Variants in PHLDB3 observed in about 807,000 individuals in gnomAD.
PHLDB3 encodes pleckstrin homology-like domain family B member 3.
A neutral mutation model predicts 85.7 loss-of-function variants in PHLDB3; 86 were observed. The observed-to-expected ratio is 1.00, with a 90% CI of 0.84 to 1.20. The LOEUF is 1.20. PHLDB3 is among the 50% of genes most tolerant of loss of function. The pLI is 0.00. For missense variants in PHLDB3, 995 were observed against 873.0 expected, an observed-to-expected ratio of 1.14 and a Z score of -1.76; for synonymous variants, 376 against 349.8, an observed-to-expected ratio of 1.07 and a Z score of -0.83.
At position 43,475,456 on chromosome 19, in the gene PHLDB3, C is replaced by G; in HGVS notation, c.1877G>C (p.Trp626Ser). The G allele has an allele frequency of 6.2e-7, 1 of 1,613,956 alleles. No individual in the cohort carries two copies. Among genetic ancestry groups the G allele is most frequent in the South Asian group, 1.1e-5 (1 of 91,082 alleles). Residue 626 changes from tryptophan (W) to serine (S), a missense_variant, in exon 16 of 16, where the codon TGG (tryptophan) becomes TCG (serine). Physicochemically the swap from Trp to Ser is radical, Grantham distance 177. Transcript: ENST00000292140. ...VAPSPEAMRI[W>S]MDVIVTAADE... The stretch of plus-strand genomic sequence containing the variant: ...AGCGGCGGTCACGATGACGTCCATC[C>G]AAATGCGCATGGCTTCGGGGCTCGG...
intron 13 of PHLDB3, among the ~76,000 whole-genome samples, chr19:43,481,483 T>G (rs771687158): frequency 8.5e-5 from 13 of 152,106 alleles, no homozygotes; most frequent in Non-Finnish European, 1.6e-4. Context: ...CCAGGCGTGG[T>G]GGCGCATGCC....
At position 43,486,980 on chromosome 19, in the gene PHLDB3, G is replaced by A. The variant is rs538603291; in HGVS notation, c.1249+44C>T. The A allele has an allele frequency of 4.7e-6, 7 of 1,492,516 alleles. No individual in the cohort carries two copies. The East Asian group carries it at 1.2e-4, about 25-fold the overall frequency. 92.5% of individuals were successfully genotyped at this position (1,492,516 alleles called of 1,614,324 possible). A position where few individuals can be genotyped will look rare whatever the true frequency, so the allele number is the denominator to read the frequency against. On this transcript the variant is annotated intron_variant, in intron 10 of 15. Transcript: ENST00000292140. ...TTTCCTCCATCCTCTGCTGCAGGATGAGTGCTGATGTGGGAAGGAAGTGGG... is the reference window on the plus strand; with the variant it reads ...TTTCCTCCATCCTCTGCTGCAGGATAAGTGCTGATGTGGGAAGGAAGTGGG...
At chr19:43,488,426 C>G (rs887506256) in intron 9 of PHLDB3, among the ~76,000 whole-genome samples, 1 of 151,972 alleles carries the variant, frequency 6.6e-6, no homozygotes, top group Non-Finnish European at 1.5e-5. Context: ...CACTGCGCTC[C>G]AGTCTGGGCG....
chr19:43,504,443 C>T (rs918841178), intron 1 of PHLDB3, 146 bp downstream of exon 1: 4 of 444,344 alleles, frequency 9.0e-6, no homozygotes, highest in African/African-American at 8.3e-5. Flanking sequence ...TCCCAGCAGC[C>T]CCCTACAATC....
Position 43,475,278 on chromosome 19 carries a change from C to G in PHLDB3, c.*132G>C, listed in dbSNP as rs1048814874. ...AGCTCAGGCCAGCTGAACTGCCGCG[C>G]CTGCGGAATTCCCGGGAGAGTTCCA... On this transcript the variant is annotated 3_prime_UTR_variant, in exon 16 of 16. Coordinates refer to ENST00000292140, the MANE Select transcript of PHLDB3 (RefSeq NM_198850.4). 1 of 1,279,766 alleles carries G rather than the reference C, an allele frequency of 7.8e-7. No individual in the cohort carries two copies. 79.3% of individuals were successfully genotyped at this position (1,279,766 alleles called of 1,614,324 possible).
At chr19:43,504,216 A>ACT in intron 1 of PHLDB3, 84 bp from the exon 2 acceptor site, 3 of 1,194,550 alleles carry the variant, frequency 2.5e-6, no homozygotes, top group Non-Finnish European at 3.4e-6. Context: ...GGGCGCGGAG[A>ACT]CCCCCCCCCA....
intron 9 of PHLDB3, among the ~76,000 whole-genome samples, chr19:43,493,148 G>A (rs1323494908): frequency 2.6e-5 from 4 of 151,766 alleles, no homozygotes; most frequent in African/African-American, 4.8e-5. Flanking sequence ...GCTTGGTGGC[G>A]CATGCCTGTA....
chr19:43,478,472 T>C (rs985675351), intron 14 of PHLDB3, among the ~76,000 whole-genome samples: 6 of 152,114 alleles, frequency 3.9e-5, no homozygotes, highest in Non-Finnish European at 8.8e-5. Flanking sequence ...GGTAAGTACA[T>C]TTATCTCCAT....
In PHLDB3 at chr19:43,495,563, C is replaced by A. The variant is rs773487585; in HGVS notation, c.883G>T (p.Glu295Ter). 27 of 1,610,106 alleles carry A rather than the reference C, an allele frequency of 1.7e-5. No individual in the cohort carries two copies. The highest frequency in any genetic ancestry group is 2.2e-5 in the Non-Finnish European group (26 of 1,178,396). The change falls in exon 7 of 16, where the codon GAG becomes TAG. Residue 295 changes from glutamate (E) to a stop codon, truncating the protein, a stop_gained. Transcript: ENST00000292140. LOFTEE classifies it high-confidence loss of function. ...VLEEQLKSLG[E>*]QMAAESRGLS... ...CCCCGGCTCTCGGCTGCCATCTGCT[C>A]CCCCAGTGACTTGAGCTGCTCTTCC...
intron 4 of PHLDB3, among the ~76,000 whole-genome samples, chr19:43,500,639 T>C (rs1180087623): frequency 1.3e-5 from 2 of 152,092 alleles, no homozygotes; most frequent in African/African-American, 4.8e-5. Flanking sequence ...TAAGAACTTA[T>C]TAATTTTTTA....
chr19:43,477,940 A>G (rs1301704648), intron 15 of PHLDB3, 107 bp downstream of exon 15: 30 of 761,994 alleles, frequency 3.9e-5, no homozygotes, highest in South Asian at 2.6e-4. Context: ...GTACCCTGAC[A>G]GGAGAAGCTG....
intron 4 of PHLDB3, among the ~76,000 whole-genome samples, chr19:43,500,909 A>ACCCCCTCCCCCCCCCCCCCCCC (rs1971574370): frequency 1.2e-4 from 2 of 17,152 alleles, no homozygotes; most frequent in African/African-American, 1.8e-4. Flanking sequence ...CGCCCCCCGT[A>ACCCCCTCCCCCCCCCCCCCCCC]CCCCCCCCCC....
intron 9 of PHLDB3, among the ~76,000 whole-genome samples, chr19:43,490,710 A>G (rs1971293993): frequency 1.3e-5 from 2 of 152,098 alleles, no homozygotes; most frequent in African/African-American, 4.8e-5. Flanking sequence ...GGGAGATATT[A>G]GATACTTGGC....
At chr19:43,492,788 A>C (rs1410110328) in intron 9 of PHLDB3, among the ~76,000 whole-genome samples, 1 of 152,196 alleles carries the variant, frequency 6.6e-6, no homozygotes, top group Non-Finnish European at 1.5e-5. Flanking sequence ...GATTTGTTGC[A>C]AAGACAAATC....
At position 43,497,792 on chromosome 19, in the gene PHLDB3, G is replaced by A. The variant is rs563015561; in HGVS notation, c.619C>T (p.Gln207Ter). Residue 207 changes from glutamine (Q) to a stop codon, truncating the protein, a stop_gained, in exon 5 of 16, where the codon CAG becomes TAG. Coordinates refer to ENST00000292140, the MANE Select transcript of PHLDB3 (RefSeq NM_198850.4). LOFTEE classifies it high-confidence loss of function. ...AGCCGCTCGCGTTGGTCCTCTGGCT[G>A]TGAGTCGAGCTGTCCCTGGGCCTTG... The part of the protein sequence containing the change: ...LRKAQGQLDS[Q>*]PEDQRERLLQ... 134 of 1,556,612 alleles carry A rather than the reference G, an allele frequency of 8.6e-5. 1 individual carries two copies. In the Middle Eastern group the frequency reaches 1.2e-3, roughly 14 times the overall value.
In PHLDB3 at chr19:43,495,627, C is replaced by T. The variant is rs377345941; in HGVS notation, c.826-7G>A. 2.3e-5 allele frequency: 37 copies of T among 1,605,330 alleles called. No homozygotes were observed. The East Asian group carries it at 3.6e-4, about 16-fold the overall frequency. ...GGTGCTGCAGAGCACCCCTCTGTCC[C>T]GGTTACTCATCTGTCACGGCCCCAG... On this transcript the variant is annotated splice_polypyrimidine_tract_variant and splice_region_variant and intron_variant, in intron 6 of 15. Transcript: ENST00000292140.
At chr19:43,477,917 C>T (rs920136240) in intron 15 of PHLDB3, 130 bp downstream of exon 15, 2 of 587,872 alleles carry the variant, frequency 3.4e-6, no homozygotes, top group African/African-American at 1.9e-5. Flanking sequence ...GCGACAAACA[C>T]GTACTCCTAT....
intron 9 of PHLDB3, among the ~76,000 whole-genome samples, chr19:43,488,763 G>A (rs1045421227): frequency 2.6e-5 from 4 of 151,730 alleles, no homozygotes; most frequent in African/African-American, 4.8e-5. Context: ...ATCAGAAGGG[G>A]ACAAGGTAAA....
chr19:43,491,945 GTTTTTTTTTTT>G (rs35827061), intron 9 of PHLDB3, among the ~76,000 whole-genome samples: 10 of 129,564 alleles, frequency 7.7e-5, no homozygotes, highest in Non-Finnish European at 3.2e-5. Flanking sequence ...GCACCTGGCC[GTTTTTTTTTTT>G]TTGTTTTTTT....
Sources: allele counts gnomAD v4.1 joint callset (sites outside exome capture counted in the v4.1 genomes callset), GRCh38; gene constraint gnomAD v4.1.1; transcripts MANE v1.5; gene names NCBI Gene and HGNC (gene_info 2026-07-23, HGNC 2026-07-21).